Variants in PARP1 observed in about 807,000 individuals in gnomAD.
PARP1 encodes the protein poly [ADP-ribose] polymerase 1.
A neutral mutation model predicts 118.7 loss-of-function variants in PARP1; 44 were observed. The ratio of observed to expected loss-of-function variants is 0.37; its 90% CI spans 0.29 to 0.48. PARP1 has a LOEUF of 0.48. Ranked by LOEUF, PARP1 falls within the 20% of genes least tolerant of loss-of-function variation. PARP1 has a pLI of 0.99. For missense variants in PARP1, 1,100 were observed against 1,272.4 expected (o/e 0.86, Z 2.06); for synonymous variants, 492 against 483.2 (o/e 1.02, Z -0.24).
chr1:226,401,219 G>A (rs1665029046), intron 2 of PARP1, among the ~76,000 whole-genome samples: 1 of 152,218 alleles, frequency 6.6e-6, no homozygotes, highest in African/African-American at 2.4e-5. Context: ...GCCCTAAATT[G>A]GGGATTGGCC....
At chr1:226,367,414 G>A in intron 17 of PARP1, 66 bp downstream of exon 17, 1 of 1,583,136 alleles carries the variant, frequency 6.3e-7, no homozygotes, top group South Asian at 1.1e-5. Flanking sequence ...AACACACATG[G>A]AAGTTTGGGA....
At chr1:226,393,124 A>C in intron 2 of PARP1, 2 of 795,466 alleles carry the variant, frequency 2.5e-6, no homozygotes, top group Non-Finnish European at 3.6e-6. Flanking sequence ...CTACTAAATT[A>C]AGTGAATTTA....
At chr1:226,403,808 T>G (rs551328291) in intron 1 of PARP1, among the ~76,000 whole-genome samples, 4 of 152,178 alleles carry the variant, frequency 2.6e-5, no homozygotes, top group Non-Finnish European at 5.9e-5. Context: ...TTATAGAACA[T>G]AAAGCTAAAT....
At chr1:226,389,444 T>G (rs1190417227) in intron 4 of PARP1, among the ~76,000 whole-genome samples, 1 of 152,150 alleles carries the variant, frequency 6.6e-6, no homozygotes, top group African/African-American at 2.4e-5. Context: ...ACTTTCCTCA[T>G]CCATAAAATA....
chr1:226,377,176 C>G lies in PARP1; in HGVS notation c.1873G>C (p.Ala625Pro), dbSNP rs577466994. The G allele has an allele frequency of 1.9e-6, 3 of 1,614,032 alleles. No individual in the cohort carries two copies. In the South Asian group the frequency reaches 3.3e-5, roughly 18 times the overall value. Residue 625 changes from alanine to proline, a missense_variant, in exon 13 of 23, where the codon GCT becomes CCT. Physicochemically the swap from Ala to Pro is conservative, Grantham distance 27 (BLOSUM62 -1). This residue lies in a region of PARP1 where 948 missense variants were observed against 1,031.8 expected (regional missense o/e 0.92). Coordinates refer to ENST00000366794, the MANE Select transcript of PARP1 (RefSeq NM_001618.4). ...TTCGTGAAATTTTTGGAGTGCCAAG[C>G]GTTCCCGGTTTTTTCTTCATATAAT... is the stretch of plus-strand genomic sequence containing the variant. ...MKLYEEKTGN[A>P]WHSKNFTKYP... is the part of the protein sequence containing the mutation.
chr1:226,405,183 A>T (rs1368244418), intron 1 of PARP1, among the ~76,000 whole-genome samples: 2 of 152,282 alleles, frequency 1.3e-5, no homozygotes, highest in African/African-American at 4.8e-5. Flanking sequence ...TTCTGAATTA[A>T]AACTCTGAAT....
rs2102724508 is a variant in PARP1 at position 226,361,394 on chromosome 1, G to T, written c.*66C>A. 2.0e-6 allele frequency: 2 copies of T among 1,017,038 alleles called. No homozygotes were observed. The highest frequency in any genetic ancestry group is 1.3e-5 in the South Asian group (1 of 77,264). 63.0% of individuals were successfully genotyped at this position (1,017,038 alleles called of 1,614,324 possible). On this transcript the variant is annotated 3_prime_UTR_variant, in exon 23 of 23. Transcript: ENST00000366794. Reference sequence around the variant, plus strand: ...CAGCAACTTAGCGGCCAGGTGAGTTGGTGCAGAAGCGCTTCGGGTGAATTC... The same window carrying T: ...CAGCAACTTAGCGGCCAGGTGAGTTTGTGCAGAAGCGCTTCGGGTGAATTC...
intron 1 of PARP1, among the ~76,000 whole-genome samples, chr1:226,404,311 G>A (rs149948899): frequency 3.9e-5 from 6 of 152,284 alleles, no homozygotes; most frequent in East Asian, 1.9e-4. Context: ...ACTCTCAAAC[G>A]TTCCACCAGA....
chr1:226,391,249 C>G (rs1558240739), intron 3 of PARP1, among the ~76,000 whole-genome samples: 2 of 152,072 alleles, frequency 1.3e-5, no homozygotes, highest in Non-Finnish European at 2.9e-5. Context: ...CCCAATGCAG[C>G]ACTTTTGTAC....
intron 7 of PARP1, among the ~76,000 whole-genome samples, chr1:226,385,081 T>C (rs1664689918): frequency 6.6e-6 from 1 of 152,090 alleles, no homozygotes; most frequent in Non-Finnish European, 1.5e-5. Context: ...GAACGTGCGA[T>C]ACTAGGAGAT....
intron 7 of PARP1, 118 bp downstream of exon 7, chr1:226,385,386 G>T: frequency 2.4e-6 from 2 of 833,542 alleles, no homozygotes; most frequent in Non-Finnish European, 4.1e-6. Flanking sequence ...TGACGCAGCT[G>T]TAAAGAAGTC....
chr1:226,385,439 C>G, intron 7 of PARP1, 65 bp downstream of exon 7: 2 of 1,418,618 alleles, frequency 1.4e-6, no homozygotes, highest in Non-Finnish European at 2.0e-6. Flanking sequence ...GAAGTATAAA[C>G]AAGCGCAGAA....
rs755697950 is a variant in PARP1 at position 226,381,116 on chromosome 1, T to G, written c.1252A>C (p.Lys418Gln). 2 of 1,613,992 alleles carry G rather than the reference T, an allele frequency of 1.2e-6. No homozygotes were observed. The highest frequency in any genetic ancestry group is 1.7e-5 in the Admixed American group (1 of 59,992). ...VKAMIEKLGGKLTGTANKASL... is the reference protein window; with the variant it reads ...VKAMIEKLGGQLTGTANKASL... ...GCCTTGTTGGCCGTCCCCGTCAACT[T>G]CCCCCCGAGTTTCTCAATCATGGCC... is the stretch of plus-strand genomic sequence containing the variant. The change falls in exon 9 of 23, where the codon AAG (lysine) becomes CAG (glutamine). Residue 418 changes from lysine to glutamine, a missense_variant. Lys to Gln is a moderately conservative substitution (Grantham distance 53). Transcript: ENST00000366794.
rs192850129 is a variant in PARP1 at position 226,362,953 on chromosome 1, C to T, written c.2848+146G>A. On this transcript the variant is annotated intron_variant, in intron 21 of 22. Transcript: ENST00000366794. ...ACCACCCCCCAAACAACAACAACAA[C>T]GCACACACACCCCTCGAAAAGATAA... The T allele has an allele frequency of 2.8e-4, 193 of 687,520 alleles. No homozygotes were observed. The African/African-American group carries it at 2.9e-3, about 10-fold the overall frequency. The allele number at this position is 687,520 out of a possible 1,614,324, so 42.6% of individuals were successfully genotyped here.
chr1:226,398,474 G>A (rs185332760), intron 2 of PARP1, among the ~76,000 whole-genome samples: 26 of 149,460 alleles, frequency 1.7e-4, no homozygotes, highest in African/African-American at 6.4e-4. Flanking sequence ...AGGCTGCAGC[G>A]AACTGTGATC....
intron 9 of PARP1, 91 bp from the exon 10 acceptor site, chr1:226,380,255 C>G: frequency 7.7e-7 from 1 of 1,293,664 alleles, no homozygotes; most frequent in South Asian, 1.2e-5. Flanking sequence ...GTGTGTACTT[C>G]CAAACCCTCA....
At chr1:226,380,877 C>T (rs1360455254) in intron 9 of PARP1, among the ~76,000 whole-genome samples, 191 bp downstream of exon 9, 1 of 152,160 alleles carries the variant, frequency 6.6e-6, no homozygotes, top group Non-Finnish European at 1.5e-5. Context: ...ACACGCAATG[C>T]ATGTGAATCT....
rs1187945390 is a variant in PARP1, at chr1:226,368,406, G to A, written c.2155-85C>T. On this transcript the variant is annotated intron_variant, in intron 15 of 22. Coordinates refer to ENST00000366794, the MANE Select transcript of PARP1 (RefSeq NM_001618.4). ...AGGCTTTCTCTTTTAGCAGGTGGGT[G>A]CTGCAGCAGGTCCAGAAGTAGCGTG... The A allele has an allele frequency of 3.2e-6, 5 of 1,567,630 alleles. No individual in the cohort carries two copies. In the Admixed American group the frequency reaches 8.4e-5, roughly 26 times the overall value.
intron 2 of PARP1, among the ~76,000 whole-genome samples, chr1:226,397,983 T>G (rs969869231): frequency 7.9e-6 from 1 of 126,858 alleles, no homozygotes; most frequent in African/African-American, 2.9e-5. Flanking sequence ...AGAAAAAAAA[T>G]AAAGGAATCT....
Sources: gnomAD v4.1 joint callset for allele counts (sites outside exome capture counted in the v4.1 genomes callset) on GRCh38, gnomAD v4.1.1 for gene constraint, gnomAD v4.1.1 regional missense constraint, MANE v1.5 for transcripts, NCBI Gene and HGNC (gene_info 2026-07-23, HGNC 2026-07-21) for gene names.